The following FBXL17 variants were observed in gnomAD, a reference collection of about 807,000 sequenced individuals.
FBXL17 encodes F-box and leucine rich repeat protein 17.
FBXL17 carries 22 observed loss-of-function variants against 66.2 expected under a neutral mutation model. That is an observed-to-expected ratio of 0.33 (90% CI 0.24 to 0.47). The LOEUF (loss-of-function observed/expected upper bound fraction) is 0.47. Among genes scored for constraint, FBXL17 ranks in the 20% least tolerant of loss-of-function variants. FBXL17 has a pLI of 1.00. For missense variants in FBXL17, 878 were observed against 948.2 expected (o/e 0.93, Z 0.97); for synonymous variants, 474 against 400.5 (o/e 1.18, Z -2.19).
In FBXL17 at chr5:107,913,559, G is replaced by T. The variant is rs889771434; in HGVS notation, c.1823-32380C>A. On this transcript the variant is annotated intron_variant, in intron 7 of 8. Coordinates refer to ENST00000542267, the MANE Select transcript of FBXL17 (RefSeq NM_001163315.3). Reference sequence around the variant, plus strand: ...CAGAGAGTGCTACTTAGTTTCAAAAGATTTAGAGCTCCCCTGAGAATTTTT... The same window carrying T: ...CAGAGAGTGCTACTTAGTTTCAAAATATTTAGAGCTCCCCTGAGAATTTTT... Among the ~76,000 whole-genome samples the T allele has an allele frequency of 2.6e-5, 4 of 152,158 alleles. No homozygotes were observed. In the South Asian group the frequency reaches 6.2e-4, roughly 24 times the overall value.
intron 6 of FBXL17, among the ~76,000 whole-genome samples, chr5:108,119,625 T>C (rs1750397396): frequency 6.6e-6 from 1 of 152,184 alleles, no homozygotes; most frequent in South Asian, 2.1e-4. Context: ...TGTCAGAAAA[T>C]TAAATAAGAA....
At chr5:107,891,100 G>C (rs1354826328) in intron 7 of FBXL17, among the ~76,000 whole-genome samples, 1 of 152,152 alleles carries the variant, frequency 6.6e-6, no homozygotes, top group Non-Finnish European at 1.5e-5. Context: ...TGCTAGGGAA[G>C]GCCTCACGAA....
intron 7 of FBXL17, among the ~76,000 whole-genome samples, chr5:108,010,442 G>T (rs1754131296): frequency 6.6e-6 from 1 of 152,168 alleles, no homozygotes; most frequent in Non-Finnish European, 1.5e-5. Context: ...CTTGAATGAG[G>T]ATGCTTTAAA....
At chr5:107,938,389 T>G (rs913789491) in intron 7 of FBXL17, among the ~76,000 whole-genome samples, 1 of 151,880 alleles carries the variant, frequency 6.6e-6, no homozygotes, top group African/African-American at 2.4e-5. Flanking sequence ...TGGGAAAACA[T>G]GGTTCTAGGC....
chr5:108,344,134 T>A (rs958976189), intron 4 of FBXL17, among the ~76,000 whole-genome samples: 1 of 151,964 alleles, frequency 6.6e-6, no homozygotes, highest in Non-Finnish European at 1.5e-5. Flanking sequence ...AACTCAAAAA[T>A]GGCGTTTGCC....
chr5:108,153,230 A>G (rs1235971803), intron 6 of FBXL17, among the ~76,000 whole-genome samples: 1 of 152,214 alleles, frequency 6.6e-6, no homozygotes, highest in Non-Finnish European at 1.5e-5. Flanking sequence ...CTAATACAGC[A>G]GCCTATATTT....
chr5:107,884,043 G>A (rs1262112353), intron 7 of FBXL17, among the ~76,000 whole-genome samples: 1 of 152,200 alleles, frequency 6.6e-6, no homozygotes, highest in Non-Finnish European at 1.5e-5. Context: ...TCATTTCAGA[G>A]AGATTTATTC....
chr5:108,039,945 A>T (rs748738102), intron 6 of FBXL17, among the ~76,000 whole-genome samples: 3 of 152,152 alleles, frequency 2.0e-5, no homozygotes, highest in Non-Finnish European at 4.4e-5. Context: ...TTTGGTATTT[A>T]TTTAAAAATA....
intron 7 of FBXL17, among the ~76,000 whole-genome samples, chr5:107,915,537 C>A (rs1561528694): frequency 6.6e-6 from 1 of 152,128 alleles, no homozygotes; most frequent in Non-Finnish European, 1.5e-5. Flanking sequence ...TTCTTTTCTG[C>A]AAGAACTTAT....
intron 5 of FBXL17, among the ~76,000 whole-genome samples, chr5:108,196,806 A>G (rs1200646243): frequency 6.6e-6 from 1 of 152,208 alleles, no homozygotes; most frequent in Non-Finnish European, 1.5e-5. Flanking sequence ...ACTTTCTCAT[A>G]GCATACAATT....
chr5:108,318,441 T>A (rs973218610), intron 4 of FBXL17, among the ~76,000 whole-genome samples: 8 of 151,800 alleles, frequency 5.3e-5, no homozygotes, highest in African/African-American at 1.9e-4. Context: ...TCCAATACTG[T>A]TAAAAAACAT....
At chr5:108,070,379 T>C (rs1256778606) in intron 6 of FBXL17, among the ~76,000 whole-genome samples, 2 of 152,226 alleles carry the variant, frequency 1.3e-5, no homozygotes, top group Non-Finnish European at 2.9e-5. Context: ...AAATCTTATA[T>C]TTCATACTGG....
At chr5:108,192,100 T>C (rs944425078) in intron 5 of FBXL17, among the ~76,000 whole-genome samples, 2 of 152,228 alleles carry the variant, frequency 1.3e-5, no homozygotes, top group African/African-American at 4.8e-5. Flanking sequence ...AACAGTTCTG[T>C]CAAATTCATC....
At chr5:108,193,497 T>C (rs888015011) in intron 5 of FBXL17, among the ~76,000 whole-genome samples, 9 of 152,072 alleles carry the variant, frequency 5.9e-5, no homozygotes, top group African/African-American at 2.2e-4. Context: ...TAGAAAGACT[T>C]CCATCCTTGA....
chr5:108,261,364 TAGGACAA>T (rs1437118123), intron 4 of FBXL17, among the ~76,000 whole-genome samples: 2 of 152,010 alleles, frequency 1.3e-5, no homozygotes, highest in East Asian at 1.9e-4. Flanking sequence ...GAAAAATTAA[TAGGACAA>T]ATAAACCCAT....
intron 8 of FBXL17, chr5:107,879,604 T>C (rs890560723): frequency 2.0e-6 from 2 of 985,318 alleles, no homozygotes; most frequent in African/African-American, 3.5e-5. Context: ...AATTAGCCAA[T>C]TAACAAAAAA....
intron 4 of FBXL17, among the ~76,000 whole-genome samples, chr5:108,347,743 A>C (rs1442687281): frequency 2.0e-5 from 3 of 152,152 alleles, no homozygotes; most frequent in Non-Finnish European, 2.9e-5. Context: ...AATATTCAAA[A>C]ATTAGACATT....
At chr5:108,307,796 C>T (rs1202513925) in intron 4 of FBXL17, among the ~76,000 whole-genome samples, 1 of 151,038 alleles carries the variant, frequency 6.6e-6, no homozygotes, top group East Asian at 2.1e-4. Flanking sequence ...TAAAATAAGA[C>T]AGCTAAAGAA....
rs541220446 is a variant in FBXL17 at position 108,188,385 on chromosome 5, A to G, written c.1615-2138T>C. Reference sequence around the variant, plus strand: ...TTCTAAGGGCTAGGTTGTAGGCATTAGTAAAGGCAGAGCTTCAGGAAAAGC... The same window carrying G: ...TTCTAAGGGCTAGGTTGTAGGCATTGGTAAAGGCAGAGCTTCAGGAAAAGC... On this transcript the variant is annotated intron_variant, in intron 5 of 8. Transcript: ENST00000542267. 3.9e-5 allele frequency among the ~76,000 whole-genome samples: 6 copies of G among 152,338 alleles called. No individual in the cohort carries two copies. The South Asian group carries it at 8.3e-4, about 21-fold the overall frequency.
Sources: allele counts gnomAD v4.1 joint callset (sites outside exome capture counted in the v4.1 genomes callset), GRCh38; gene constraint gnomAD v4.1.1; transcripts MANE v1.5; gene names NCBI Gene and HGNC (gene_info 2026-07-23, HGNC 2026-07-21).